Variants in FAM167A observed in about 807,000 individuals in gnomAD.
The protein encoded by FAM167A is protein FAM167A.
Under a neutral mutation model 14.9 loss-of-function variants are expected in FAM167A, and 23 were observed. That is an observed-to-expected ratio of 1.55 (90% CI 1.11 to 2.19). FAM167A has a LOEUF of 2.19. Among genes scored for constraint, FAM167A ranks in the 30% most tolerant of loss-of-function variants. The pLI, the probability that FAM167A is intolerant of heterozygous loss-of-function variation, is 0.00. For missense variants in FAM167A, 401 were observed against 281.5 expected (o/e 1.42, Z -3.04); for synonymous variants, 174 against 117.7 (o/e 1.48, Z -3.10).
At chr8:11,448,053 G>A (rs1275658769) in intron 1 of FAM167A, among the ~76,000 whole-genome samples, 1 of 152,182 alleles carries the variant, frequency 6.6e-6, no homozygotes, top group Non-Finnish European at 1.5e-5. Context: ...AATTAGCTGG[G>A]CGTAGTGGCG....
At position 11,445,538 on chromosome 8, in the gene FAM167A, C is replaced by G. The variant is rs1047093754; in HGVS notation, c.-397-730G>C. 3.0e-6 allele frequency: 3 copies of G among 985,524 alleles called. No individual in the cohort carries two copies. The East Asian group carries it at 3.4e-4, about 112-fold the overall frequency. 61.0% of individuals were successfully genotyped at this position (985,524 alleles called of 1,614,324 possible). ...GACTCATTGTTCTAGAACGAGGCTT[C>G]TCGTGTTCACCTAAGTGCCCGCATG... is the stretch of plus-strand genomic sequence containing the variant. On this transcript the variant is annotated intron_variant, in intron 1 of 2. Transcript: ENST00000284486.
At chr8:11,461,580 C>G (rs1372752302) in intron 1 of FAM167A, among the ~76,000 whole-genome samples, 1 of 152,262 alleles carries the variant, frequency 6.6e-6, no homozygotes, top group African/African-American at 2.4e-5. Context: ...CTGGCTGAAA[C>G]TCAGACACCA....
intron 2 of FAM167A, among the ~76,000 whole-genome samples, chr8:11,433,340 G>C (rs1290320361): frequency 2.6e-5 from 4 of 152,168 alleles, no homozygotes; most frequent in Non-Finnish European, 5.9e-5. Context: ...CGGACCACCA[G>C]ACAAATCCTC....
chr8:11,448,469 A>G (rs569843576), intron 1 of FAM167A, among the ~76,000 whole-genome samples: 11 of 152,346 alleles, frequency 7.2e-5, no homozygotes, highest in African/African-American at 2.2e-4. Flanking sequence ...TCAGAGTTAT[A>G]TCACCGTCAC....
intron 2 of FAM167A, among the ~76,000 whole-genome samples, chr8:11,425,365 C>T (rs772584077): frequency 9.9e-5 from 15 of 152,144 alleles, no homozygotes; most frequent in Non-Finnish European, 1.6e-4. Flanking sequence ...CATCCACAGC[C>T]GAGCTGGGAT....
chr8:11,452,701 T>G (rs1243729907), intron 1 of FAM167A, among the ~76,000 whole-genome samples: 2 of 152,196 alleles, frequency 1.3e-5, no homozygotes, highest in Admixed American at 1.3e-4. Flanking sequence ...ACTTTTCTCA[T>G]GAAACCGAAG....
In FAM167A at chr8:11,444,201, A is replaced by T. The variant is rs774927753; in HGVS notation, c.211T>A (p.Leu71Met). ...PRPAAEPQAS[L>M]EEGERGGQEP... ...TGCCCCCCACGCTCCCCCTCCTCCA[A>T]GCTCGCCTGTGGCTCCGCAGCCGGC... is the stretch of plus-strand genomic sequence containing the variant. Residue 71 changes from leucine (L) to methionine (M), a missense_variant, in exon 2 of 3, where the codon TTG (leucine) becomes ATG (methionine). Leu to Met is a conservative substitution (Grantham distance 15, BLOSUM62 2). Coordinates refer to ENST00000284486, the MANE Select transcript of FAM167A (RefSeq NM_053279.3). The T allele has an allele frequency of 3.7e-6, 6 of 1,612,734 alleles. No homozygotes were observed. The highest frequency in any genetic ancestry group is 1.6e-4 in the Middle Eastern group (1 of 6,068).
intron 2 of FAM167A, among the ~76,000 whole-genome samples, chr8:11,440,895 G>A (rs547357148): frequency 3.9e-4 from 60 of 152,320 alleles, no homozygotes; most frequent in African/African-American, 1.4e-3. Context: ...GAGTTAAGAG[G>A]ATGAATGAGG....
rs1358857251 is a variant in FAM167A at position 11,424,555 on chromosome 8, G to A, written c.463C>T (p.His155Tyr). The change falls in exon 3 of 3, where the codon CAC becomes TAC. Residue 155 changes from histidine to tyrosine, a missense_variant. Coordinates refer to ENST00000284486, the MANE Select transcript of FAM167A (RefSeq NM_053279.3). Reference protein sequence around the residue: ...RGDINKLKIEHTCRLHRRMLN... With the variant: ...RGDINKLKIEYTCRLHRRMLN... ...ATCCTCCTGTGGAGGCGGCAGGTGT[G>A]TTCGATTTTCAGCTTGTTGATGTCG... 2 of 1,614,060 alleles carry A rather than the reference G, an allele frequency of 1.2e-6. No homozygotes were observed. Among genetic ancestry groups the A allele is most frequent in the East Asian group, 2.2e-5 (1 of 44,892 alleles).
intron 2 of FAM167A, chr8:11,438,431 T>G (rs1035060883): frequency 2.2e-6 from 1 of 455,610 alleles, no homozygotes; most frequent in Admixed American, 2.4e-5. Context: ...TTTATTTTAT[T>G]CTAGGAGATT....
Position 11,422,152 on chromosome 8 carries a change from A to C in FAM167A, c.*2221T>G. On this transcript the variant is annotated 3_prime_UTR_variant, in exon 3 of 3. Transcript: ENST00000284486. ...AAGCAAGCAAGCACTGGGTTACCCA[A>C]GCAACTAAATCACTCAGTTGCATCC... The C allele has an allele frequency of 4.0e-6, 1 of 250,668 alleles. No individual in the cohort carries two copies. 15.5% of individuals were successfully genotyped at this position (250,668 alleles called of 1,614,324 possible).
chr8:11,428,125 T>C (rs1458955946), intron 2 of FAM167A, among the ~76,000 whole-genome samples: 2 of 152,216 alleles, frequency 1.3e-5, no homozygotes, highest in African/African-American at 2.4e-5. Context: ...TGGTTTAAGA[T>C]TTGAGCTTTG....
chr8:11,466,461 G>C (rs975734665), intron 1 of FAM167A, among the ~76,000 whole-genome samples, 165 bp downstream of exon 1: 11 of 146,856 alleles, frequency 7.5e-5, no homozygotes, highest in Non-Finnish European at 1.3e-4. Context: ...CTCCCGGGGG[G>C]GCGGTAGGAG....
Position 11,444,353 on chromosome 8 carries a change from G to A in FAM167A, c.59C>T (p.Ala20Val). Residue 20 changes from alanine to valine, a missense_variant, in exon 2 of 3, where the codon GCC (alanine) becomes GTC (valine). By Grantham distance (64) the Ala-to-Val change is moderately conservative. Coordinates refer to ENST00000284486, the MANE Select transcript of FAM167A (RefSeq NM_053279.3). ...EVGAEEGAGA[A>V]APPDDHLRSL... ...CCGGAGGTGGTCATCGGGTGGTGCG[G>A]CTGCTCCCGCCCCCTCTTCTGCACC... 2.5e-6 allele frequency: 4 copies of A among 1,600,196 alleles called. No homozygotes were observed. The highest frequency in any genetic ancestry group is 1.8e-4 in the Middle Eastern group (1 of 5,598).
At position 11,424,337 on chromosome 8, in the gene FAM167A, C is replaced by T. The variant is rs764004616; in HGVS notation, c.*36G>A. On this transcript the variant is annotated 3_prime_UTR_variant, in exon 3 of 3. Transcript: ENST00000284486. ...CTCTGACACCCCTCCAGCCCAAGCC[C>T]TCCGCTCCAGCCCCTCCGCCCAGTC... 28 of 1,608,832 alleles carry T rather than the reference C, an allele frequency of 1.7e-5. No homozygotes were observed. The highest frequency in any genetic ancestry group is 2.4e-5 in the Non-Finnish European group (28 of 1,175,838).
At chr8:11,471,858 G>T (rs111730019), upstream of FAM167A, among the ~76,000 whole-genome samples, 2 of 152,128 alleles carry the variant, frequency 1.3e-5, no homozygotes, top group South Asian at 2.1e-4. Context: ...TTGGATGAAG[G>T]CTGCGCTCTC....
chr8:11,457,872 G>A (rs1040449802), intron 1 of FAM167A, among the ~76,000 whole-genome samples: 30 of 152,144 alleles, frequency 2.0e-4, no homozygotes, highest in Non-Finnish European at 8.8e-5. Context: ...ACACTGGCCC[G>A]CATGACCTTG....
intron 2 of FAM167A, among the ~76,000 whole-genome samples, chr8:11,426,668 A>G (rs1359390151): frequency 6.6e-6 from 1 of 152,102 alleles, no homozygotes. Flanking sequence ...ATACTGGGGG[A>G]AGAGGAAGAA....
upstream of FAM167A, among the ~76,000 whole-genome samples, chr8:11,471,042 C>A (rs765450688): frequency 6.6e-5 from 10 of 152,144 alleles, no homozygotes; most frequent in African/African-American, 9.7e-5. Flanking sequence ...GGGAGTGTGG[C>A]GCACGTGGCT....
Sources: gnomAD v4.1 joint callset for allele counts (sites outside exome capture counted in the v4.1 genomes callset) on GRCh38, gnomAD v4.1.1 for gene constraint, MANE v1.5 for transcripts, NCBI Gene and HGNC (gene_info 2026-07-23, HGNC 2026-07-21) for gene names.